VWA3B: variants seen among roughly 807,000 people sequenced by gnomAD.
VWA3B encodes the protein von Willebrand factor A domain-containing protein 3B.
A neutral mutation model predicts 158.3 loss-of-function variants in VWA3B; 138 were observed. That is an observed-to-expected ratio of 0.87 (90% CI 0.76 to 1.00). The LOEUF is 1.00. VWA3B is among the 50% of genes least tolerant of loss of function. The pLI is 0.00. For synonymous variants in VWA3B, 596 were observed against 587.3 expected, an observed-to-expected ratio of 1.01 and a Z score of -0.21; for missense variants, 1,555 against 1,565.1, an observed-to-expected ratio of 0.99 and a Z score of 0.11.
chr2:98,323,267 C>T, the VWA3B span, among the ~76,000 whole-genome samples: 19 of 151,942 alleles, frequency 1.3e-4, no homozygotes, highest in African/African-American at 4.3e-4. Context: ...GTGGAAAATT[C>T]GAGAGCTAAA....
At chr2:98,294,709 T>C (rs1467783829) in intron 23 of VWA3B, among the ~76,000 whole-genome samples, 3 of 152,358 alleles carry the variant, frequency 2.0e-5, no homozygotes, top group Middle Eastern at 3.4e-3. Flanking sequence ...CACTATGCCA[T>C]AAGAAGAAGT....
intron 6 of VWA3B, 67 bp downstream of exon 6, chr2:98,128,475 G>C: frequency 6.5e-7 from 1 of 1,549,604 alleles, no homozygotes. Context: ...TCAACAGTGG[G>C]TCTTGCATTC....
At position 98,128,259 on chromosome 2, in the gene VWA3B, T is replaced by C; in HGVS notation, c.723T>C (p.Phe241=). 6.2e-7 allele frequency: 1 copy of C among 1,614,154 alleles called. No homozygotes were observed. Among genetic ancestry groups the C allele is most frequent in the East Asian group, 2.2e-5 (1 of 44,880 alleles). The change falls in exon 6 of 28, where the codon TTT becomes TTC. Residue 241 remains phenylalanine (F), a synonymous_variant. Coordinates refer to ENST00000477737, the MANE Select transcript of VWA3B (RefSeq NM_144992.5). Reference sequence around the variant, plus strand: ...TGCAGATTGAATCCATTTACTACTTTGTGGTGGGGGATGTTCCTGAAGAAT... The same window carrying C: ...TGCAGATTGAATCCATTTACTACTTCGTGGTGGGGGATGTTCCTGAAGAAT... The part of the protein sequence containing the change: ...RDKTIESIYY[F]VVGDVPEESK...
At chr2:98,165,892 G>A (rs941312688) in intron 8 of VWA3B, among the ~76,000 whole-genome samples, 10 of 152,130 alleles carry the variant, frequency 6.6e-5, no homozygotes, top group African/African-American at 2.4e-4. Flanking sequence ...GGGGACCCAG[G>A]CCAAACCCAG....
chr2:98,196,454 C>T (rs762919162), intron 12 of VWA3B, among the ~76,000 whole-genome samples: 26 of 152,112 alleles, frequency 1.7e-4, no homozygotes, highest in African/African-American at 5.3e-4. Context: ...ATTATTCTTT[C>T]GGCTGATTTG....
intron 6 of VWA3B, among the ~76,000 whole-genome samples, chr2:98,131,283 T>C (rs1410556403): frequency 6.6e-6 from 1 of 152,218 alleles, no homozygotes; most frequent in African/African-American, 2.4e-5. Flanking sequence ...AATGACGGCA[T>C]TTCCTTCTTT....
chr2:98,089,650 C>CA (rs1553633291), intron 1 of VWA3B, among the ~76,000 whole-genome samples: 8 of 141,014 alleles, frequency 5.7e-5, no homozygotes, highest in African/African-American at 2.1e-4. Context: ...CCTTTCCTTC[C>CA]TTTTTTTTTT....
At chr2:98,202,215 A>T (rs1418575075) in intron 12 of VWA3B, among the ~76,000 whole-genome samples, 1 of 152,100 alleles carries the variant, frequency 6.6e-6, no homozygotes, top group Non-Finnish European at 1.5e-5. Context: ...GATTATCTGT[A>T]CCTCTGTGAG....
intron 9 of VWA3B, 21 bp from the exon 10 acceptor site, chr2:98,187,954 T>C: frequency 1.9e-6 from 3 of 1,583,938 alleles, no homozygotes; most frequent in South Asian, 1.2e-5. Context: ...GAGTGGCTTC[T>C]GTCCTTTGTC....
At chr2:98,163,085 G>C (rs1004197682) in intron 8 of VWA3B, 109 bp downstream of exon 8, 4 of 1,526,422 alleles carry the variant, frequency 2.6e-6, no homozygotes, top group Non-Finnish European at 3.5e-6. Context: ...GCCCAGCTGC[G>C]AGGGGCTGCT....
chr2:98,234,635 G>A lies in VWA3B; in HGVS notation c.2309-13G>A. 1 of 1,614,088 alleles carries A rather than the reference G, an allele frequency of 6.2e-7. No individual in the cohort carries two copies. Among genetic ancestry groups the A allele is most frequent in the South Asian group, 1.1e-5 (1 of 91,056 alleles). On this transcript the variant is annotated splice_polypyrimidine_tract_variant and intron_variant, in intron 16 of 27. Transcript: ENST00000477737. ...CCCAATTCCTTTAACTCTTCCCTCT[G>A]TGATACCAACAGAATCAACCAAAAC...
chr2:98,157,790 A>T (rs1678213561), intron 7 of VWA3B, among the ~76,000 whole-genome samples: 1 of 151,952 alleles, frequency 6.6e-6, no homozygotes, highest in Non-Finnish European at 1.5e-5. Context: ...GCCACAAACA[A>T]TGAGCCACAG....
Position 98,129,224 on chromosome 2 carries a change from A to AGAGAGAGTGTGTGTGT in VWA3B, c.872+817_872+818insAGAGAGTGTGTGTGTG, listed in dbSNP as rs1370543551. 4.3e-3 allele frequency among the ~76,000 whole-genome samples: 532 copies of AGAGAGAGTGTGTGTGT among 124,608 alleles called. 2 individuals are homozygous for AGAGAGAGTGTGTGTGT. Among genetic ancestry groups the AGAGAGAGTGTGTGTGT allele is most frequent in the Non-Finnish European group, 5.8e-3 (347 of 59,832 alleles). The allele number at this position is 124,608 out of a possible 152,430, so 81.7% of individuals were successfully genotyped here. ...AGAGAGAGGAGAGAGAGAGAGAGAG[A>AGAGAGAGTGTGTGTGT]GTGTGTGTGTGTGTGTGTGTGTGTG... On this transcript the variant is annotated intron_variant, in intron 6 of 27. Coordinates refer to ENST00000477737, the MANE Select transcript of VWA3B (RefSeq NM_144992.5).
intron 2 of VWA3B, among the ~76,000 whole-genome samples, chr2:98,105,716 A>G (rs1673590597): frequency 6.6e-6 from 1 of 151,932 alleles, no homozygotes; most frequent in Admixed American, 6.6e-5. Context: ...TGATAGAGTG[A>G]GACTCTATCT....
chr2:98,205,885 G>A (rs1682974452), intron 12 of VWA3B, among the ~76,000 whole-genome samples: 2 of 152,058 alleles, frequency 1.3e-5, no homozygotes, highest in African/African-American at 4.8e-5. Context: ...TAGTCAGAGG[G>A]CATACTCTGT....
intron 8 of VWA3B, among the ~76,000 whole-genome samples, chr2:98,177,048 T>C (rs1016259065): frequency 5.3e-5 from 8 of 152,180 alleles, no homozygotes; most frequent in Non-Finnish European, 8.8e-5. Flanking sequence ...GAGAAATCCC[T>C]GATGGCTGTG....
At chr2:98,278,109 A>G (rs1190618851) in intron 22 of VWA3B, among the ~76,000 whole-genome samples, 1 of 152,156 alleles carries the variant, frequency 6.6e-6, no homozygotes, top group Non-Finnish European at 1.5e-5. Flanking sequence ...GTGGCTGTGA[A>G]CTGTTCTCCA....
intron 9 of VWA3B, among the ~76,000 whole-genome samples, chr2:98,187,465 G>A (rs61070383): frequency 0.03 from 4,603 of 152,150 alleles, 83 homozygotes; most frequent in Middle Eastern, 0.048. Context: ...GGTTCTTGGT[G>A]GGAAAAGAGG....
chr2:98,236,851 T>C (rs1685729018), intron 19 of VWA3B, 121 bp downstream of exon 19: 2 of 1,383,400 alleles, frequency 1.4e-6, no homozygotes, highest in African/African-American at 1.4e-5. Context: ...GGGGAAAAAG[T>C]ATTTGTAAAG....
Sources: allele counts gnomAD v4.1 joint callset (sites outside exome capture counted in the v4.1 genomes callset), GRCh38; gene constraint gnomAD v4.1.1; transcripts MANE v1.5; gene names NCBI Gene and HGNC (gene_info 2026-07-23, HGNC 2026-07-21).